The following FMN2 variants were observed in gnomAD, a reference collection of about 807,000 sequenced individuals.
The protein encoded by FMN2 is formin-2.
FMN2 carries 51 observed loss-of-function variants against 142.3 expected under a neutral mutation model. The observed-to-expected ratio is 0.36, with a 90% CI of 0.29 to 0.45. FMN2 has a LOEUF of 0.45. FMN2 is among the 20% of genes least tolerant of loss of function. The pLI, the probability that FMN2 is intolerant of heterozygous loss-of-function variation, is 1.00. For synonymous variants in FMN2, 882 were observed against 869.8 expected (o/e 1.01, Z -0.25); for missense variants, 1,936 against 2,122.8 (o/e 0.91, Z 1.73).
intron 8 of FMN2, among the ~76,000 whole-genome samples, chr1:240,313,868 G>T (rs1670676206): frequency 6.6e-6 from 1 of 152,052 alleles, no homozygotes; most frequent in South Asian, 2.1e-4. Context: ...CAGCTACTCA[G>T]GAGACTGAGG....
chr1:240,305,519 C>T (rs1442436150), intron 8 of FMN2, among the ~76,000 whole-genome samples: 1 of 152,140 alleles, frequency 6.6e-6, no homozygotes, highest in Non-Finnish European at 1.5e-5. Context: ...TAAAACTGTG[C>T]AGAGCCATAA....
intron 14 of FMN2, among the ~76,000 whole-genome samples, chr1:240,361,323 GTCTTGGGGAGCAGAAGTTGC>G (rs1451307215): frequency 4.0e-5 from 6 of 151,868 alleles, no homozygotes; most frequent in East Asian, 3.9e-4. Context: ...TCATCCAGAA[GTCTTGGGGAGCAGAAGTTGC>G]TCTTGGGGAG....
chr1:240,195,982 G>A (rs1665895183), intron 4 of FMN2, among the ~76,000 whole-genome samples: 1 of 152,080 alleles, frequency 6.6e-6, no homozygotes, highest in African/African-American at 2.4e-5. Context: ...CACTCCAGCT[G>A]GTACAACAGA....
At chr1:240,420,557 G>C (rs1394724643) in intron 15 of FMN2, among the ~76,000 whole-genome samples, 1 of 152,206 alleles carries the variant, frequency 6.6e-6, no homozygotes, top group Non-Finnish European at 1.5e-5. Flanking sequence ...GGTAGCTTCT[G>C]AGGGGGCGGG....
At chr1:240,244,508 T>C (rs1668016399) in intron 6 of FMN2, among the ~76,000 whole-genome samples, 1 of 152,226 alleles carries the variant, frequency 6.6e-6, no homozygotes. Context: ...ATCAAATAAT[T>C]ATTTAAATGT....
intron 16 of FMN2, among the ~76,000 whole-genome samples, chr1:240,443,721 C>A (rs1314853576): frequency 6.6e-6 from 1 of 151,938 alleles, no homozygotes; most frequent in Non-Finnish European, 1.5e-5. Context: ...CCACTGCACT[C>A]CAGCCTGGGT....
At chr1:240,282,715 G>A (rs1036006746) in intron 7 of FMN2, among the ~76,000 whole-genome samples, 1 of 152,196 alleles carries the variant, frequency 6.6e-6, no homozygotes, top group Non-Finnish European at 1.5e-5. Flanking sequence ...GATGCAGAAA[G>A]AATGCAAGTA....
In FMN2 at chr1:240,196,008, G is replaced by GA. The variant is rs200397549; in HGVS notation, c.1986+7752dup. 9.6e-3 allele frequency among the ~76,000 whole-genome samples: 1,464 copies of GA among 152,272 alleles called. 24 individuals are homozygous for GA. Among genetic ancestry groups the GA allele is most frequent in the African/African-American group, 0.03 (1,258 of 41,552 alleles). ...GTACAACAGAATGAGACCCTGTCTT[G>GA]AAAAAACCAAAACAAGACAAAAACC... On this transcript the variant is annotated intron_variant, in intron 4 of 17. Transcript: ENST00000319653.
chr1:240,156,611 G>T (rs970327725), intron 2 of FMN2, among the ~76,000 whole-genome samples: 21 of 152,186 alleles, frequency 1.4e-4, no homozygotes, highest in African/African-American at 4.8e-4. Context: ...CTCTCCAACA[G>T]CTGAGTTAGA....
Position 240,368,972 on chromosome 1 carries a change from T to TATAA in FMN2, c.4858+13065_4858+13066insTAAA, listed in dbSNP as rs777048454. Reference sequence around the variant, plus strand: ...CACAATGTTTATATATATATATATATAAACACAGAGTAAAATTATTCGTCA... The same window carrying TATAA: ...CACAATGTTTATATATATATATATATATAAAAACACAGAGTAAAATTATTCGTCA... On this transcript the variant is annotated intron_variant, in intron 14 of 17. Coordinates refer to ENST00000319653, the MANE Select transcript of FMN2 (RefSeq NM_020066.5). Among the ~76,000 whole-genome samples the TATAA allele has an allele frequency of 6.3e-4, 96 of 151,390 alleles. 1 individual carries two copies. The highest frequency in any genetic ancestry group is 6.8e-3 in the Middle Eastern group (2 of 292).
chr1:240,418,186 T>G (rs1674644650), intron 15 of FMN2, among the ~76,000 whole-genome samples: 1 of 151,556 alleles, frequency 6.6e-6, no homozygotes, highest in African/African-American at 2.4e-5. Flanking sequence ...TTTAAATTCT[T>G]TTATATTTAT....
chr1:240,092,124 T>G lies in FMN2; in HGVS notation c.15T>G (p.Asp5Glu). 1.3e-6 allele frequency: 2 copies of G among 1,554,448 alleles called. No individual in the cohort carries two copies. The highest frequency in any genetic ancestry group is 2.4e-5 in the South Asian group (2 of 84,376). MGNQ[D>E]GKLKRSAGDA... is the part of the protein sequence containing the mutation. The stretch of plus-strand genomic sequence containing the variant: ...GGGATTGCACCATGGGGAACCAGGA[T>G]GGGAAGCTGAAGAGGAGCGCAGGTG... Residue 5 changes from aspartate to glutamate, a missense_variant, in exon 1 of 18, where the codon GAT (aspartate) becomes GAG (glutamate). Around this residue, in one of 8 missense-constraint regions of FMN2, gnomAD observed 751 missense variants for 791.8 expected, o/e 0.95. Coordinates refer to ENST00000319653, the MANE Select transcript of FMN2 (RefSeq NM_020066.5).
At chr1:240,246,917 T>C (rs1280326674) in intron 6 of FMN2, among the ~76,000 whole-genome samples, 2 of 152,226 alleles carry the variant, frequency 1.3e-5, no homozygotes, top group Non-Finnish European at 2.9e-5. Context: ...TCTGAGATCA[T>C]CTTAGAAGAG....
chr1:240,355,632 C>G (rs1256296928), intron 13 of FMN2, among the ~76,000 whole-genome samples, 184 bp from the exon 14 acceptor site: 1 of 152,096 alleles, frequency 6.6e-6, no homozygotes, highest in Non-Finnish European at 1.5e-5. Flanking sequence ...TTACAGCCCT[C>G]TAAAAGGAAG....
At chr1:240,261,049 A>G (rs1316713031) in intron 7 of FMN2, among the ~76,000 whole-genome samples, 1 of 152,198 alleles carries the variant, frequency 6.6e-6, no homozygotes, top group African/African-American at 2.4e-5. Context: ...TTTGTCAAAG[A>G]TCAGTTGGCT....
At chr1:240,245,006 A>G (rs550699989) in intron 6 of FMN2, among the ~76,000 whole-genome samples, 1 of 152,304 alleles carries the variant, frequency 6.6e-6, no homozygotes, top group East Asian at 1.9e-4. Context: ...AGGTAATTAT[A>G]CTTTAGTGAA....
chr1:240,122,440 G>C (rs1173054381), intron 1 of FMN2, among the ~76,000 whole-genome samples: 1 of 151,828 alleles, frequency 6.6e-6, no homozygotes, highest in Non-Finnish European at 1.5e-5. Flanking sequence ...CCGCCACCAC[G>C]CCTGGCTATT....
At chr1:240,127,154 C>G (rs1288311478) in intron 2 of FMN2, among the ~76,000 whole-genome samples, 1 of 149,580 alleles carries the variant, frequency 6.7e-6, no homozygotes, top group Non-Finnish European at 1.5e-5. Flanking sequence ...GAGTCTCGCT[C>G]TATTGCCTAG....
chr1:240,173,215 T>C (rs1406747641), intron 2 of FMN2, among the ~76,000 whole-genome samples: 2 of 152,166 alleles, frequency 1.3e-5, no homozygotes, highest in Admixed American at 1.3e-4. Flanking sequence ...GGATTACAGG[T>C]GTGAGCCACC....
Sources: allele counts gnomAD v4.1 joint callset (sites outside exome capture counted in the v4.1 genomes callset), GRCh38; gene constraint gnomAD v4.1.1; regional missense constraint gnomAD v4.1.1; transcripts MANE v1.5; gene names NCBI Gene and HGNC (gene_info 2026-07-23, HGNC 2026-07-21).